Variants in PCDHGB1 observed in about 807,000 individuals in gnomAD.
PCDHGB1 encodes protocadherin gamma subfamily B, 1, also known as protocadherin gamma-B1.
A neutral mutation model predicts 56.6 loss-of-function variants in PCDHGB1; 34 were observed. The observed-to-expected ratio is 0.60, with a 90% CI of 0.46 to 0.80. The LOEUF is 0.80. Among genes scored for constraint, PCDHGB1 ranks in the 30% least tolerant of loss-of-function variants. The pLI is 0.00. For synonymous variants in PCDHGB1, 561 were observed against 505.9 expected (o/e 1.11, Z -1.46); for missense variants, 1,278 against 1,204.6 (o/e 1.06, Z -0.90).
chr5:141,484,715 G>A (rs576646182), intron 1 of PCDHGB1, among the ~76,000 whole-genome samples: 1 of 152,130 alleles, frequency 6.6e-6, no homozygotes, highest in African/African-American at 2.4e-5. Context: ...CCGCCGAAAA[G>A]GGGCGGGGTC....
At chr5:141,430,076 T>C (rs2097260023) in intron 1 of PCDHGB1, among the ~76,000 whole-genome samples, 1 of 152,208 alleles carries the variant, frequency 6.6e-6, no homozygotes, top group South Asian at 2.1e-4. Context: ...GTTTCCATAA[T>C]ATCATGAAAA....
chr5:141,505,335 A>G, intron 2 of PCDHGB1, 58 bp from the exon 3 acceptor site: 1 of 1,611,086 alleles, frequency 6.2e-7, no homozygotes, highest in Non-Finnish European at 8.5e-7. Flanking sequence ...AGAGGACAGG[A>G]GGGGCATGAG....
At position 141,487,700 on chromosome 5, in the gene PCDHGB1, C is replaced by A; in HGVS notation, c.2410-7107C>A. On this transcript the variant is annotated intron_variant, in intron 1 of 3. Coordinates refer to ENST00000523390, the MANE Select transcript of PCDHGB1 (RefSeq NM_018922.3). This position sits in a 1 kb window ranked among gnomAD's most constrained non-coding sequence, Gnocchi z 5.0. ...AGGCCATGTCCTAGAGAGTACTGGCCTCTCAGTAAGTGCCCATAGTGATGT... is the reference window on the plus strand; with the variant it reads ...AGGCCATGTCCTAGAGAGTACTGGCATCTCAGTAAGTGCCCATAGTGATGT... The A allele has an allele frequency of 6.3e-7, 1 of 1,597,514 alleles. No homozygotes were observed. Among genetic ancestry groups the A allele is most frequent in the African/African-American group, 1.3e-5 (1 of 74,868 alleles).
intron 1 of PCDHGB1, chr5:141,385,657 C>A: frequency 1.6e-6 from 1 of 611,856 alleles, no homozygotes; most frequent in Non-Finnish European, 2.2e-6. Context: ...ACAAGGTTAG[C>A]AGGAATAAAA....
Position 141,489,819 on chromosome 5 carries a change from G to T in PCDHGB1, c.2410-4988G>T. On this transcript the variant is annotated intron_variant, in intron 1 of 3. Transcript: ENST00000523390. This position sits in a 1 kb window ranked among gnomAD's most constrained non-coding sequence, Gnocchi z 4.5. ...TAAAAGATGGGAAGCCATTCCCAGA[G>T]CTGGTGCTAGAGCAGCAGCTGGATC... 6.2e-7 allele frequency: 1 copy of T among 1,614,190 alleles called. No homozygotes were observed.
At position 141,511,241 on chromosome 5, in the gene PCDHGB1, C is replaced by T; in HGVS notation, c.*68C>T. On this transcript the variant is annotated 3_prime_UTR_variant, in exon 4 of 4. Transcript: ENST00000523390. ...CCAGCCCAGCTTCTCCTTACCTGCA[C>T]CCAGGCCTCAGAGTTTCAGGGCTAA... The T allele has an allele frequency of 2.5e-6, 4 of 1,585,214 alleles. No individual in the cohort carries two copies. Among genetic ancestry groups the T allele is most frequent in the Non-Finnish European group, 3.4e-6 (4 of 1,165,762 alleles).
intron 1 of PCDHGB1, chr5:141,355,150 G>C (rs754814778): frequency 1.9e-6 from 3 of 1,547,684 alleles, no homozygotes; most frequent in African/African-American, 2.7e-5. Context: ...GGCTCCTCAG[G>C]CCTCGACAGA....
intron 2 of PCDHGB1, among the ~76,000 whole-genome samples, chr5:141,499,983 C>T (rs765029745): frequency 5.3e-5 from 8 of 151,352 alleles, no homozygotes; most frequent in African/African-American, 9.7e-5. Context: ...CCACCTTGCC[C>T]GGCCAGATGA....
rs368055501 is a variant in PCDHGB1, at chr5:141,351,814, C to T, written c.1554C>T (p.His518=). 8 of 1,613,124 alleles carry T rather than the reference C, an allele frequency of 5.0e-6. No individual in the cohort carries two copies. The highest frequency in any genetic ancestry group is 1.7e-5 in the Admixed American group (1 of 59,998). ...GVVFAQRAFD[H]EQLRAFELTL... ...TGTTCGCGCAGCGCGCCTTCGACCA[C>T]GAGCAGCTGCGCGCCTTCGAGCTCA... is the stretch of plus-strand genomic sequence containing the variant. Residue 518 remains histidine (H), a synonymous_variant, in exon 1 of 4, where the codon CAC becomes CAT. Coordinates refer to ENST00000523390, the MANE Select transcript of PCDHGB1 (RefSeq NM_018922.3).
intron 1 of PCDHGB1, chr5:141,393,144 G>T (rs745405842): frequency 1.2e-6 from 2 of 1,613,316 alleles, no homozygotes; most frequent in Non-Finnish European, 1.7e-6. Flanking sequence ...CACCCTGGTT[G>T]AGGATAAAGG....
intron 1 of PCDHGB1, chr5:141,356,029 G>A (rs558981733): frequency 6.2e-6 from 10 of 1,613,954 alleles, no homozygotes; most frequent in South Asian, 5.5e-5. Flanking sequence ...CAATGGAGAC[G>A]TGACGTATTC....
intron 1 of PCDHGB1, among the ~76,000 whole-genome samples, chr5:141,429,781 A>G (rs2097245343): frequency 1.3e-5 from 2 of 152,186 alleles, no homozygotes; most frequent in Non-Finnish European, 2.9e-5. Context: ...TGGGCTTCCA[A>G]AAGTATTACC....
intron 1 of PCDHGB1, chr5:141,388,934 A>G (rs1225337103): frequency 1.9e-6 from 3 of 1,613,896 alleles, no homozygotes; most frequent in Non-Finnish European, 2.5e-6. Context: ...TCCAGTCTCT[A>G]CCCAACCTAA....
chr5:141,415,210 C>G lies in PCDHGB1; in HGVS notation c.2409+62541C>G, dbSNP rs2095843973. The G allele has an allele frequency of 2.5e-6, 4 of 1,614,068 alleles. No individual in the cohort carries two copies. The highest frequency in any genetic ancestry group is 1.6e-4 in the Middle Eastern group (1 of 6,062). ...CAGCATCCCCCAAGTCCTGGCGGAC[C>G]TCGGCAGCTTCGAGTCTCCAGCTAA... is the stretch of plus-strand genomic sequence containing the variant. On this transcript the variant is annotated intron_variant, in intron 1 of 3. Coordinates refer to ENST00000523390, the MANE Select transcript of PCDHGB1 (RefSeq NM_018922.3).
intron 1 of PCDHGB1, chr5:141,405,646 T>G: frequency 1.9e-6 from 1 of 526,208 alleles, no homozygotes; most frequent in East Asian, 3.2e-5. Flanking sequence ...GGCTAATTTT[T>G]TGTGTGTTTT....
rs368718827 is a variant in PCDHGB1, at chr5:141,410,231, G to A, written c.2409+57562G>A. On this transcript the variant is annotated intron_variant, in intron 1 of 3. Transcript: ENST00000523390. ...GCAAGAGATACTGCCAGACCTCAGC[G>A]ACCGCCCTGTACTCTCTGACCCCCA... 8.7e-6 allele frequency: 14 copies of A among 1,613,888 alleles called. No homozygotes were observed. The highest frequency in any genetic ancestry group is 1.6e-4 in the Middle Eastern group (1 of 6,084).
rs779183487 is a variant in PCDHGB1, at chr5:141,430,845, C to T, written c.2410-63962C>T. ...GGGACTCTGTGGGAGACCGGATGCA[C>T]CCAGATACGCTATTCAGTTCCGGAA... On this transcript the variant is annotated intron_variant, in intron 1 of 3. Coordinates refer to ENST00000523390, the MANE Select transcript of PCDHGB1 (RefSeq NM_018922.3). 27 of 1,575,514 alleles carry T rather than the reference C, an allele frequency of 1.7e-5. No individual in the cohort carries two copies. In the African/African-American group the frequency reaches 3.7e-4, roughly 21 times the overall value.
At position 141,465,539 on chromosome 5, in the gene PCDHGB1, T is replaced by C. The variant is rs2099105222; in HGVS notation, c.2410-29268T>C. On this transcript the variant is annotated intron_variant, in intron 1 of 3. Transcript: ENST00000523390. ...GATTCTGGGGAAGTTTTCCCAGGCA[T>C]TTTTTCTGCTGAAGCTTTGGTAACT... Among the ~76,000 whole-genome samples the C allele has an allele frequency of 2.0e-5, 3 of 152,178 alleles. No homozygotes were observed. In the South Asian group the frequency reaches 6.2e-4, roughly 32 times the overall value.
intron 1 of PCDHGB1, among the ~76,000 whole-genome samples, chr5:141,425,668 T>C (rs2096887740): frequency 1.3e-5 from 2 of 152,260 alleles, no homozygotes; most frequent in South Asian, 4.1e-4. Context: ...GCACATCAGA[T>C]TGAAAATAAT....
Sources: gnomAD v4.1 joint callset for allele counts (sites outside exome capture counted in the v4.1 genomes callset) on GRCh38, gnomAD v4.1.1 for gene constraint, Gnocchi (gnomAD v3.1) non-coding constraint, MANE v1.5 for transcripts, NCBI Gene and HGNC (gene_info 2026-07-23, HGNC 2026-07-21) for gene names.